The following MMS22L variants were observed in gnomAD, a reference collection of about 807,000 sequenced individuals.
The protein encoded by MMS22L is MMS22 like, DNA repair protein, also known as protein MMS22-like.
MMS22L carries 74 observed loss-of-function variants against 159.1 expected under a neutral mutation model. The observed-to-expected ratio is 0.47, with a 90% CI of 0.39 to 0.56. MMS22L has a LOEUF of 0.56. Among genes scored for constraint, MMS22L ranks in the 20% least tolerant of loss-of-function variants. MMS22L has a pLI of 0.00. For synonymous variants in MMS22L, 517 were observed against 506.9 expected, an observed-to-expected ratio of 1.02 and a Z score of -0.27; for missense variants, 1,351 against 1,422.1, an observed-to-expected ratio of 0.95 and a Z score of 0.80.
In MMS22L at chr6:97,173,056, T is replaced by C. The variant is rs1276287584; in HGVS notation, c.2839+7A>G. 1 of 1,607,772 alleles carries C rather than the reference T, an allele frequency of 6.2e-7. No individual in the cohort carries two copies. The highest frequency in any genetic ancestry group is 1.7e-5 in the Admixed American group (1 of 58,328). On this transcript the variant is annotated splice_region_variant and intron_variant, in intron 19 of 24. Transcript: ENST00000683635. Reference sequence around the variant, plus strand: ...GTTACTAGCAAAATAATGCCAGGAATACATACCCATCATTCCATAAGTCAG... The same window carrying C: ...GTTACTAGCAAAATAATGCCAGGAACACATACCCATCATTCCATAAGTCAG...
rs1816847522 is a variant in MMS22L, at chr6:97,282,519, A to T, written c.-42T>A. ...TGAAACACTTGGGGTTCGTCGTATC[A>T]TTAAGGGCTCCAAAGAGAAGGTGTG... On this transcript the variant is annotated 5_prime_UTR_variant, in exon 2 of 25. An upstream start codon of the reference 5' UTR is lost. Coordinates refer to ENST00000683635, the MANE Select transcript of MMS22L (RefSeq NM_001350599.2). 3 of 1,200,278 alleles carry T rather than the reference A, an allele frequency of 2.5e-6. No individual in the cohort carries two copies. The highest frequency in any genetic ancestry group is 5.0e-5 in the East Asian group (1 of 20,106). The allele number at this position is 1,200,278 out of a possible 1,614,324, so 74.4% of individuals were successfully genotyped here.
At chr6:97,211,063 A>C (rs117861285) in intron 14 of MMS22L, among the ~76,000 whole-genome samples, 4,155 of 152,120 alleles carry the variant, frequency 0.027, 80 homozygotes, top group Middle Eastern at 0.085. Flanking sequence ...ATTTTCATGT[A>C]CACAAGAGTA....
At chr6:97,259,081 T>A (rs971679310) in intron 9 of MMS22L, 2 of 152,196 alleles carry the variant, frequency 1.3e-5, no homozygotes, top group African/African-American at 2.4e-5. Flanking sequence ...GTCTTTCCAG[T>A]ATTTATTTGT....
chr6:97,230,278 T>C (rs1266746381), intron 13 of MMS22L: 3 of 150,186 alleles, frequency 2.0e-5, no homozygotes, highest in Non-Finnish European at 4.4e-5. Flanking sequence ...TTTTTTTTTT[T>C]TTTTTTAGTA....
Position 97,238,162 on chromosome 6 carries a change from C to T in MMS22L, c.1183-4182G>A, listed in dbSNP as rs1006918403. Among the ~76,000 whole-genome samples, 5 of 152,128 alleles carry T rather than the reference C, an allele frequency of 3.3e-5. No individual in the cohort carries two copies. The East Asian group carries it at 5.8e-4, about 18-fold the overall frequency. On this transcript the variant is annotated intron_variant, in intron 11 of 24. Transcript: ENST00000683635. ...GGCCTCAGTCTGTAAAAGTATAAAA[C>T]GGAAACAGAAATATCACTACACACG...
At chr6:97,206,851 A>G (rs1807842422) in intron 14 of MMS22L, among the ~76,000 whole-genome samples, 1 of 152,206 alleles carries the variant, frequency 6.6e-6, no homozygotes, top group Admixed American at 6.5e-5. Flanking sequence ...TAGGTAGAAT[A>G]ACAGTTATCT....
chr6:97,273,175 T>C (rs1323411211), intron 4 of MMS22L, 113 bp from the exon 5 acceptor site: 3 of 830,560 alleles, frequency 3.6e-6, no homozygotes, highest in African/African-American at 1.7e-5. Flanking sequence ...CATTTTATAT[T>C]AAACATTCTC....
intron 14 of MMS22L, among the ~76,000 whole-genome samples, chr6:97,202,914 T>C (rs1807331810): frequency 6.6e-6 from 1 of 152,230 alleles, no homozygotes. Context: ...AGATGACTAC[T>C]GGTCATTAAT....
At chr6:97,216,483 GT>G (rs1809027791) in intron 14 of MMS22L, among the ~76,000 whole-genome samples, 1 of 152,058 alleles carries the variant, frequency 6.6e-6, no homozygotes. Flanking sequence ...CACAATGCCA[GT>G]TTATCATACT....
chr6:97,234,131 AAATC>A (rs1466775853), intron 11 of MMS22L, 151 bp from the exon 12 acceptor site: 23 of 721,632 alleles, frequency 3.2e-5, no homozygotes, highest in Admixed American at 3.1e-5. Flanking sequence ...GACTAGGTCT[AAATC>A]AACACAACAC....
At chr6:97,255,445 G>C (rs1036774101) in intron 9 of MMS22L, among the ~76,000 whole-genome samples, 1 of 151,878 alleles carries the variant, frequency 6.6e-6, no homozygotes, top group Non-Finnish European at 1.5e-5. Flanking sequence ...ACCAACTTTT[G>C]CTCATTTTAT....
intron 14 of MMS22L, among the ~76,000 whole-genome samples, chr6:97,213,982 T>C (rs1340237089): frequency 6.6e-6 from 1 of 152,210 alleles, no homozygotes; most frequent in Non-Finnish European, 1.5e-5. Flanking sequence ...CTAAGGTTTT[T>C]CAACTAGTTA....
intron 22 of MMS22L, among the ~76,000 whole-genome samples, chr6:97,160,887 C>A (rs1802371809): frequency 6.6e-6 from 1 of 151,874 alleles, no homozygotes; most frequent in East Asian, 1.9e-4. Context: ...CTAATGGGCC[C>A]CTCTGGTGAA....
intron 6 of MMS22L, 134 bp downstream of exon 6, chr6:97,272,570 G>A: frequency 2.8e-6 from 2 of 721,466 alleles, no homozygotes; most frequent in South Asian, 2.0e-5. Context: ...AAAGGAGGAT[G>A]GGGGGCAAGA....
chr6:97,253,986 T>C (rs1223027292), intron 10 of MMS22L: 3 of 152,376 alleles, frequency 2.0e-5, no homozygotes, highest in Non-Finnish European at 4.4e-5. Context: ...TGTTAGCTGA[T>C]TTTATTCATA....
intron 14 of MMS22L, among the ~76,000 whole-genome samples, chr6:97,218,552 A>C (rs1223423261): frequency 6.6e-6 from 1 of 152,182 alleles, no homozygotes; most frequent in Non-Finnish European, 1.5e-5. Context: ...CTACTATCAT[A>C]GTAGGCATTC....
Position 97,186,823 on chromosome 6 carries a change from CATT to C in MMS22L, c.2040-136_2040-134del, listed in dbSNP as rs1429234708. 4 of 558,872 alleles carry C rather than the reference CATT, an allele frequency of 7.2e-6. No individual in the cohort carries two copies. In the African/African-American group the frequency reaches 7.9e-5, roughly 11 times the overall value. 34.6% of individuals were successfully genotyped at this position (558,872 alleles called of 1,614,324 possible). ...TATAATTAAAACCTTTATGCCAAGA[CATT>C]ATGCATTTCTGGTTGTTTGATGGAT... On this transcript the variant is annotated intron_variant, in intron 14 of 24. Transcript: ENST00000683635.
At chr6:97,280,702 T>C (rs922913928) in intron 3 of MMS22L, among the ~76,000 whole-genome samples, 1 of 152,140 alleles carries the variant, frequency 6.6e-6, no homozygotes, top group Non-Finnish European at 1.5e-5. Flanking sequence ...AGGATTTCCT[T>C]ACAAATACTT....
At position 97,263,400 on chromosome 6, in the gene MMS22L, T is replaced by C. The variant is rs763344135; in HGVS notation, c.877A>G (p.Ile293Val). ...LMSDQCPCLC[I>V]KELWVLLIHL... ...ATAAGTAGAACCCATAATTCTTTAA[T>C]GCATAAACATGGACACTGGTCACTC... Residue 293 changes from isoleucine to valine, a missense_variant, in exon 9 of 25, where the codon ATT becomes GTT. Ile to Val is a conservative substitution (Grantham distance 29). Coordinates refer to ENST00000683635, the MANE Select transcript of MMS22L (RefSeq NM_001350599.2). 11 of 1,593,924 alleles carry C rather than the reference T, an allele frequency of 6.9e-6. No homozygotes were observed. The East Asian group carries it at 2.3e-4, about 33-fold the overall frequency.
Sources: allele counts gnomAD v4.1 joint callset (sites outside exome capture counted in the v4.1 genomes callset), GRCh38; gene constraint gnomAD v4.1.1; transcripts MANE v1.5; gene names NCBI Gene and HGNC (gene_info 2026-07-23, HGNC 2026-07-21).